Variants in ITPR3 observed in about 807,000 individuals in gnomAD.
ITPR3 encodes the protein inositol 1,4,5-trisphosphate receptor type 3, also known as inositol 1,4,5-trisphosphate-gated calcium channel ITPR3.
Under a neutral mutation model 293.2 loss-of-function variants are expected in ITPR3, and 173 were observed. The ratio of observed to expected loss-of-function variants is 0.59; its 90% CI spans 0.52 to 0.67. The LOEUF (loss-of-function observed/expected upper bound fraction) is 0.67. Ranked by LOEUF, ITPR3 falls within the 30% of genes least tolerant of loss-of-function variation. The probability of loss-of-function intolerance (pLI) is 0.00; values close to 1 mark genes in which losing one functional copy is unlikely to be tolerated. For synonymous variants in ITPR3, 1,295 were observed against 1,444.4 expected (o/e 0.90, Z 2.35); for missense variants, 2,796 against 3,592.1 (o/e 0.78, Z 5.66).
chr6:33,675,584 G>A lies in ITPR3; in HGVS notation c.3117-107G>A. 5 of 1,256,892 alleles carry A rather than the reference G, an allele frequency of 4.0e-6. No individual in the cohort carries two copies. The highest frequency in any genetic ancestry group is 2.7e-4 in the Middle Eastern group (1 of 3,738). 77.9% of individuals were successfully genotyped at this position (1,256,892 alleles called of 1,614,324 possible). Reference sequence around the variant, plus strand: ...ACACATTTAGACTGGCCCTGCATCTGCTAATTGGGTGGCGGAGAGTGTGCT... The same window carrying A: ...ACACATTTAGACTGGCCCTGCATCTACTAATTGGGTGGCGGAGAGTGTGCT... On this transcript the variant is annotated intron_variant, in intron 24 of 57. Coordinates refer to ENST00000605930, the MANE Select transcript of ITPR3 (RefSeq NM_002224.4). The surrounding 1 kb of genome is among the most constrained non-coding windows in gnomAD (Gnocchi z 5.0).
At chr6:33,660,588 A>C (rs1479412671) in intron 7 of ITPR3, among the ~76,000 whole-genome samples, 1 of 148,668 alleles carries the variant, frequency 6.7e-6, no homozygotes, top group African/African-American at 2.4e-5. Flanking sequence ...CCCCTCCTGG[A>C]AGCCTTCCCT....
Position 33,655,809 on chromosome 6 carries a change from G to A in ITPR3, c.204G>A (p.Gln68=). The A allele has an allele frequency of 1.2e-6, 2 of 1,614,150 alleles. No individual in the cohort carries two copies. The highest frequency in any genetic ancestry group is 1.7e-6 in the Non-Finnish European group (2 of 1,180,024). Residue 68 remains glutamine, a synonymous_variant, in exon 3 of 58, where the codon CAG becomes CAA. Transcript: ENST00000605930. This position sits in a 1 kb window ranked among gnomAD's most constrained non-coding sequence, Gnocchi z 4.9. ...GCCCCATGAACCGCTACTCGGCCCAGAAGCAGTACTGGAAGGCCAAGCAGA... is the reference window on the plus strand; with the variant it reads ...GCCCCATGAACCGCTACTCGGCCCAAAAGCAGTACTGGAAGGCCAAGCAGA... The part of the protein sequence containing the change: ...KVCPMNRYSA[Q]KQYWKAKQTK...
In ITPR3 at chr6:33,688,546, A is replaced by G. The variant is rs1051967544; in HGVS notation, c.6569-110A>G. ...CCTGCGCCCAACCCCGCCTCACCCCAAGGAAGGGCTCTTCCATGTGTGGCT... is the reference window on the plus strand; with the variant it reads ...CCTGCGCCCAACCCCGCCTCACCCCGAGGAAGGGCTCTTCCATGTGTGGCT... On this transcript the variant is annotated intron_variant, in intron 48 of 57. Coordinates refer to ENST00000605930, the MANE Select transcript of ITPR3 (RefSeq NM_002224.4). 3 of 1,534,980 alleles carry G rather than the reference A, an allele frequency of 2.0e-6. No individual in the cohort carries two copies. In the Admixed American group the frequency reaches 5.7e-5, roughly 29 times the overall value.
At chr6:33,690,840 G>A in intron 51 of ITPR3, 77 bp from the exon 52 acceptor site, 3 of 1,367,962 alleles carry the variant, frequency 2.2e-6, no homozygotes, top group South Asian at 1.3e-5. Context: ...AGCCCTCAGG[G>A]TTCCAGTGGC....
rs1271203836 is a variant in ITPR3 at position 33,627,629 on chromosome 6, C to T, written c.89+5938C>T. Among the ~76,000 whole-genome samples, 14 of 152,218 alleles carry T rather than the reference C, an allele frequency of 9.2e-5. No individual in the cohort carries two copies. The South Asian group carries it at 2.3e-3, about 25-fold the overall frequency. On this transcript the variant is annotated intron_variant, in intron 1 of 57. Transcript: ENST00000605930. Reference sequence around the variant, plus strand: ...TAGTTATCCTCTCAGGTAATACGTTCCCAGAAATGGAGATCAAAGACAAGG... The same window carrying T: ...TAGTTATCCTCTCAGGTAATACGTTTCCAGAAATGGAGATCAAAGACAAGG...
rs767498144 is a variant in ITPR3, at chr6:33,682,635, G to C, written c.4588G>C (p.Ala1530Pro). The change falls in exon 34 of 58, where the codon GCC becomes CCC. Residue 1530 changes from alanine (A) to proline (P), a missense_variant. Physicochemically the swap from Ala to Pro is conservative, Grantham distance 27. This residue lies in a region of ITPR3 where 704 missense variants were observed against 797.5 expected (regional missense o/e 0.88). Transcript: ENST00000605930. The surrounding 1 kb of genome is among the most constrained non-coding windows in gnomAD (Gnocchi z 5.4). Reference sequence around the variant, plus strand: ...CGTGGAGGCCTGCATCCGGACCCTCGCCATGGTGGGTGAGTGTGCCGGGGC... The same window carrying C: ...CGTGGAGGCCTGCATCCGGACCCTCCCCATGGTGGGTGAGTGTGCCGGGGC... ...GSVEACIRTLAMVAKGRAILL... is the reference protein window; with the variant it reads ...GSVEACIRTLPMVAKGRAILL... The C allele has an allele frequency of 6.3e-7, 1 of 1,594,342 alleles. No individual in the cohort carries two copies. Among genetic ancestry groups the C allele is most frequent in the Non-Finnish European group, 8.5e-7 (1 of 1,172,192 alleles).
At chr6:33,631,785 G>A (rs1368807639) in intron 1 of ITPR3, among the ~76,000 whole-genome samples, 1 of 152,152 alleles carries the variant, frequency 6.6e-6, no homozygotes, top group Non-Finnish European at 1.5e-5. Flanking sequence ...CCAGACACTG[G>A]CGTTACCACT....
chr6:33,685,604 G>T (rs1177080375), intron 40 of ITPR3, 39 bp from the exon 41 acceptor site: 6 of 1,586,896 alleles, frequency 3.8e-6, no homozygotes, highest in Non-Finnish European at 5.2e-6. Context: ...GGTGGCCAAG[G>T]GGGTGGGCAG....
intron 17 of ITPR3, 62 bp from the exon 18 acceptor site, chr6:33,668,912 G>A: frequency 6.5e-7 from 1 of 1,540,980 alleles, no homozygotes; most frequent in South Asian, 1.2e-5. Context: ...TGTGCTCAGG[G>A]AGGGGTCCAG....
At position 33,687,147 on chromosome 6, in the gene ITPR3, T is replaced by A; in HGVS notation, c.6075+43T>A. On this transcript the variant is annotated intron_variant, in intron 44 of 57. Coordinates refer to ENST00000605930, the MANE Select transcript of ITPR3 (RefSeq NM_002224.4). This position sits in a 1 kb window ranked among gnomAD's most constrained non-coding sequence, Gnocchi z 5.3. ...GGCAGGCGGGCGGAACCAGGTGGAG[T>A]GTGTTGGGATGGGGATGAGGGCCCG... 1 of 1,601,376 alleles carries A rather than the reference T, an allele frequency of 6.2e-7. No homozygotes were observed. Among genetic ancestry groups the A allele is most frequent in the Non-Finnish European group, 8.5e-7 (1 of 1,170,236 alleles).
rs1241460342 is a variant in ITPR3, at chr6:33,654,092, A to T, written c.161-1674A>T. 4.6e-5 allele frequency among the ~76,000 whole-genome samples: 7 copies of T among 151,916 alleles called. No homozygotes were observed. Among genetic ancestry groups the T allele is most frequent in the Non-Finnish European group, 1.0e-4 (7 of 67,992 alleles). ...AGACCAGCTTGGGCAATATGGCGAA[A>T]CCCCGTCTCTACTAAAAATACAAAA... On this transcript the variant is annotated intron_variant, in intron 2 of 57. Transcript: ENST00000605930. The surrounding 1 kb of genome is among the most constrained non-coding windows in gnomAD (Gnocchi z 4.1).
chr6:33,679,679 G>C lies in ITPR3; in HGVS notation c.3973-203G>C, dbSNP rs992625235. Among the ~76,000 whole-genome samples, 6 of 152,144 alleles carry C rather than the reference G, an allele frequency of 3.9e-5. No homozygotes were observed. Among genetic ancestry groups the C allele is most frequent in the Non-Finnish European group, 7.4e-5 (5 of 68,018 alleles). ...CAGTGGGGAGAAGCGGGGACTTTCT[G>C]GGTCATGGGGTCAATATCTCTGCTG... On this transcript the variant is annotated intron_variant, in intron 30 of 57. Transcript: ENST00000605930. The surrounding 1 kb of genome is among the most constrained non-coding windows in gnomAD (Gnocchi z 4.2).
At chr6:33,637,372 A>G (rs1351792367) in intron 1 of ITPR3, among the ~76,000 whole-genome samples, 1 of 152,240 alleles carries the variant, frequency 6.6e-6, no homozygotes, top group East Asian at 1.9e-4. Flanking sequence ...AATATGGAGC[A>G]GGAGATACAG....
chr6:33,678,682 A>G lies in ITPR3; in HGVS notation c.3815A>G (p.Tyr1272Cys). The G allele has an allele frequency of 1.2e-6, 2 of 1,613,112 alleles. No homozygotes were observed. The highest frequency in any genetic ancestry group is 1.7e-6 in the Non-Finnish European group (2 of 1,179,814). Residue 1272 changes from tyrosine to cysteine, a missense_variant, in exon 30 of 58, where the codon TAT becomes TGT. Around this residue, in one of 8 missense-constraint regions of ITPR3, gnomAD observed 344 missense variants for 460.3 expected, o/e 0.75. Transcript: ENST00000605930. ...ATGCAGCACATCTTCCTGAACAACT[A>G]TCAGCTCTGCTCCGAGATCAGCGAG... ...ETMQHIFLNN[Y>C]QLCSEISEPV...
In ITPR3 at chr6:33,695,662, G is replaced by T. The variant is rs200441928; in HGVS notation, c.7948-50G>T. On this transcript the variant is annotated intron_variant, in intron 57 of 57. Transcript: ENST00000605930. The stretch of plus-strand genomic sequence containing the variant: ...AGCTCTTCCACAGCACCCATGGAGG[G>T]AAGGTGCCAGGCGGCCTGACCAGGC... 2.5e-5 allele frequency: 40 copies of T among 1,569,640 alleles called. No individual in the cohort carries two copies. The African/African-American group carries it at 5.3e-4, about 21-fold the overall frequency.
rs1198364426 is a variant in ITPR3, at chr6:33,658,904, T to C, written c.528+76T>C. The C allele has an allele frequency of 1.4e-5, 23 of 1,599,722 alleles. No homozygotes were observed. Among genetic ancestry groups the C allele is most frequent in the Non-Finnish European group, 1.9e-5 (22 of 1,169,776 alleles). On this transcript the variant is annotated intron_variant, in intron 5 of 57. Transcript: ENST00000605930. This position sits in a 1 kb window ranked among gnomAD's most constrained non-coding sequence, Gnocchi z 6.1. ...TCTGTAGGGTCTTCGGTGTGGGGAC[T>C]GGATAAGGGCATGCCCATTTCTTAG...
At position 33,657,997 on chromosome 6, in the gene ITPR3, G is replaced by C. The variant is rs1257268377; in HGVS notation, c.348G>C (p.Val116=). 3 of 1,613,682 alleles carry C rather than the reference G, an allele frequency of 1.9e-6. No homozygotes were observed. The highest frequency in any genetic ancestry group is 2.5e-6 in the Non-Finnish European group (3 of 1,179,824). ...TENKKVHGDV[V]KYGSVIQLLH... ...ACAAGAAGGTGCATGGGGATGTCGT[G>C]AAGTATGGCAGTGTGATCCAGGTGA... Residue 116 remains valine, a synonymous_variant, in exon 4 of 58, where the codon GTG becomes GTC. Transcript: ENST00000605930.
At position 33,692,588 on chromosome 6, in the gene ITPR3, C is replaced by T. The variant is rs1275878271; in HGVS notation, c.7459-140C>T. 5.1e-5 allele frequency: 38 copies of T among 744,510 alleles called. 1 individual carries two copies. Among genetic ancestry groups the T allele is most frequent in the Non-Finnish European group, 8.0e-5 (37 of 465,092 alleles). The allele number at this position is 744,510 out of a possible 1,614,324, so 46.1% of individuals were successfully genotyped here. A position where few individuals can be genotyped will look rare whatever the true frequency, so the allele number is the denominator to read the frequency against. The stretch of plus-strand genomic sequence containing the variant: ...TTGGGTCCACTCTGCCATCTGATGG[C>T]CCCCAGGCCAGAGGCCCTCATTTCC... On this transcript the variant is annotated intron_variant, in intron 54 of 57. Coordinates refer to ENST00000605930, the MANE Select transcript of ITPR3 (RefSeq NM_002224.4). The surrounding 1 kb of genome is among the most constrained non-coding windows in gnomAD (Gnocchi z 4.2).
At chr6:33,668,036 GT>G (rs1764659982) in intron 16 of ITPR3, 72 bp downstream of exon 16, 2 of 1,543,462 alleles carry the variant, frequency 1.3e-6, no homozygotes, top group East Asian at 4.5e-5. Context: ...AACTCTGCTG[GT>G]TGTGTGAACT....
Sources: allele counts gnomAD v4.1 joint callset (sites outside exome capture counted in the v4.1 genomes callset), GRCh38; gene constraint gnomAD v4.1.1; regional missense constraint gnomAD v4.1.1; non-coding constraint Gnocchi (gnomAD v3.1); transcripts MANE v1.5; gene names NCBI Gene and HGNC (gene_info 2026-07-23, HGNC 2026-07-21).